ENPEP: variants seen among roughly 807,000 people sequenced by gnomAD.
ENPEP encodes the protein glutamyl aminopeptidase, also known as AP-A.
Under a neutral mutation model 114.5 loss-of-function variants are expected in ENPEP, and 103 were observed. The observed-to-expected ratio is 0.90, with a 90% CI of 0.77 to 1.06. The LOEUF (loss-of-function observed/expected upper bound fraction) is 1.06, where lower values mean the gene tolerates loss of function less well. ENPEP is among the 50% of genes least tolerant of loss of function. The pLI, the probability that ENPEP is intolerant of heterozygous loss-of-function variation, is 0.00. For missense variants in ENPEP, 1,196 were observed against 1,161.3 expected (o/e 1.03, Z -0.43); for synonymous variants, 420 against 422.0 (o/e 1.00, Z 0.06).
chr4:110,487,005 C>T (rs1278448432), intron 1 of ENPEP, among the ~76,000 whole-genome samples: 2 of 152,002 alleles, frequency 1.3e-5, no homozygotes, highest in Non-Finnish European at 2.9e-5. Flanking sequence ...GTTTTTCTTG[C>T]TGTTTTCTGT....
At chr4:110,501,674 C>T (rs1725162386) in intron 3 of ENPEP, among the ~76,000 whole-genome samples, 1 of 152,140 alleles carries the variant, frequency 6.6e-6, no homozygotes, top group South Asian at 2.1e-4. Context: ...TTTATTTATC[C>T]AGTCTACTGT....
At chr4:110,514,622 TA>T in intron 7 of ENPEP, among the ~76,000 whole-genome samples, 1 of 152,130 alleles carries the variant, frequency 6.6e-6, no homozygotes, top group Middle Eastern at 3.2e-3. Context: ...TAAATGTTTC[TA>T]GGCCTTTAGC....
chr4:110,525,317 A>G (rs1349641578), intron 10 of ENPEP, among the ~76,000 whole-genome samples: 1 of 152,220 alleles, frequency 6.6e-6, no homozygotes, highest in Non-Finnish European at 1.5e-5. Context: ...CTCTGGGGAC[A>G]TCTTCCTAGC....
chr4:110,550,786 C>T (rs1727258606), intron 17 of ENPEP, among the ~76,000 whole-genome samples: 1 of 152,130 alleles, frequency 6.6e-6, no homozygotes, highest in Non-Finnish European at 1.5e-5. Flanking sequence ...GAGATACTTA[C>T]AGCTTCATGG....
At chr4:110,536,240 A>G (rs193136501) in intron 11 of ENPEP, among the ~76,000 whole-genome samples, 1 of 152,292 alleles carries the variant, frequency 6.6e-6, no homozygotes, top group Non-Finnish European at 1.5e-5. Flanking sequence ...GCACTTTAGA[A>G]ACAATCAATA....
chr4:110,533,746 T>G (rs1211103001), intron 11 of ENPEP, among the ~76,000 whole-genome samples: 3 of 152,208 alleles, frequency 2.0e-5, no homozygotes, highest in Non-Finnish European at 4.4e-5. Context: ...GTCAATACAT[T>G]TCACACATTT....
chr4:110,526,733 T>C (rs553932991), intron 10 of ENPEP, among the ~76,000 whole-genome samples: 6 of 152,048 alleles, frequency 3.9e-5, no homozygotes, highest in African/African-American at 1.4e-4. Context: ...TCCTGGGCAG[T>C]TGGGGAGGAG....
chr4:110,543,163 T>C, intron 13 of ENPEP, 93 bp downstream of exon 13: 1 of 1,204,440 alleles, frequency 8.3e-7, no homozygotes, highest in Non-Finnish European at 1.2e-6. Flanking sequence ...TATTAATCAA[T>C]TTTAGCTTAA....
At chr4:110,555,388 G>T (rs1727434104) in intron 18 of ENPEP, among the ~76,000 whole-genome samples, 1 of 151,922 alleles carries the variant, frequency 6.6e-6, no homozygotes, top group Admixed American at 6.6e-5. Context: ...CAAATTTCAG[G>T]ATGAATAGTT....
intron 10 of ENPEP, among the ~76,000 whole-genome samples, chr4:110,526,365 T>G (rs1397527755): frequency 2.0e-5 from 3 of 152,226 alleles, no homozygotes; most frequent in Admixed American, 2.0e-4. Context: ...ACAACACTTA[T>G]TGAACATTGA....
At chr4:110,509,924 A>T in intron 5 of ENPEP, 117 bp downstream of exon 5, 1 of 1,337,308 alleles carries the variant, frequency 7.5e-7, no homozygotes, top group East Asian at 2.5e-5. Context: ...AAAAACTTGC[A>T]TGAAAATCTT....
intron 4 of ENPEP, among the ~76,000 whole-genome samples, chr4:110,508,368 G>T (rs1432153364): frequency 6.6e-6 from 1 of 151,812 alleles, no homozygotes; most frequent in Non-Finnish European, 1.5e-5. Flanking sequence ...ATTGGCCCTT[G>T]GGGGAGATAC....
chr4:110,524,267 G>C (rs1335475204), intron 10 of ENPEP, among the ~76,000 whole-genome samples: 1 of 152,114 alleles, frequency 6.6e-6, no homozygotes, highest in Non-Finnish European at 1.5e-5. Flanking sequence ...AGCAGGGCTG[G>C]CCTGTGGGAA....
rs1377279980 is a variant in ENPEP at position 110,548,278 on chromosome 4, C to T, written c.2103C>T (p.Tyr701=). 4 of 1,597,972 alleles carry T rather than the reference C, an allele frequency of 2.5e-6. No homozygotes were observed. Among genetic ancestry groups the T allele is most frequent in the Non-Finnish European group, 3.4e-6 (4 of 1,172,156 alleles). The change falls in exon 14 of 20, where the codon TAC becomes TAT. Residue 701 remains tyrosine (Y), a synonymous_variant. Transcript: ENST00000265162. ...PWQRVISAVT[Y]IISMFEDDKE... is the part of the protein sequence containing the mutation. ...AGAGAGTAATTTCAGCTGTAACCTA[C>T]ATCATTAGCATGTTTGAAGATGATA...
At chr4:110,515,606 G>A in intron 8 of ENPEP, 164 bp downstream of exon 8, 2 of 632,780 alleles carry the variant, frequency 3.2e-6, no homozygotes, top group Middle Eastern at 4.3e-4. Context: ...ATCCAATTGA[G>A]TACCTACATT....
chr4:110,513,289 C>G, intron 6 of ENPEP, 126 bp from the exon 7 acceptor site: 1 of 1,043,088 alleles, frequency 9.6e-7, no homozygotes. Flanking sequence ...ATTTGAAGAC[C>G]TAATGTTTAA....
At position 110,504,585 on chromosome 4, in the gene ENPEP, C is replaced by G. The variant is rs149329859; in HGVS notation, c.919-2052C>G. ...TGAAGGGTCATAGATCACAGATGAT[C>G]TGCAGACTGACCAGGCTGCAAAGAC... is the stretch of plus-strand genomic sequence containing the variant. On this transcript the variant is annotated intron_variant, in intron 3 of 19. Coordinates refer to ENST00000265162, the MANE Select transcript of ENPEP (RefSeq NM_001977.4). Among the ~76,000 whole-genome samples, 278 of 152,274 alleles carry G rather than the reference C, an allele frequency of 1.8e-3. 1 individual carries two copies. The highest frequency in any genetic ancestry group is 6.4e-3 in the African/African-American group (264 of 41,554).
chr4:110,532,590 C>G (rs1177092505), intron 11 of ENPEP, among the ~76,000 whole-genome samples: 1 of 151,934 alleles, frequency 6.6e-6, no homozygotes, highest in Non-Finnish European at 1.5e-5. Context: ...TTCTGTGGAT[C>G]CAGCATGTTT....
Position 110,559,674 on chromosome 4 carries a change from C to A in ENPEP, c.2670C>A (p.Gly890=), listed in dbSNP as rs1407146539. 1 of 1,613,790 alleles carries A rather than the reference C, an allele frequency of 6.2e-7. No individual in the cohort carries two copies. Among genetic ancestry groups the A allele is most frequent in the Non-Finnish European group, 8.5e-7 (1 of 1,179,762 alleles). The change falls in exon 19 of 20, where the codon GGC becomes GGA. Residue 890 remains glycine, a synonymous_variant. Coordinates refer to ENST00000265162, the MANE Select transcript of ENPEP (RefSeq NM_001977.4). ...NRYTLNNRNL[G]RIVTIAEPFN... ...ATACACTCAATAACAGAAACCTTGG[C>A]CGAATTGTCACAATAGCAGAGCCAT...
Sources: gnomAD v4.1 joint callset for allele counts (sites outside exome capture counted in the v4.1 genomes callset) on GRCh38, gnomAD v4.1.1 for gene constraint, MANE v1.5 for transcripts, NCBI Gene and HGNC (gene_info 2026-07-23, HGNC 2026-07-21) for gene names.